The following ACTR3C variants were observed in gnomAD, a reference collection of about 807,000 sequenced individuals.
ACTR3C encodes the protein actin related protein 3C.
ACTR3C carries 18 observed loss-of-function variants against 26.3 expected under a neutral mutation model. That is an observed-to-expected ratio of 0.68 (90% CI 0.47 to 1.01). The LOEUF (loss-of-function observed/expected upper bound fraction) is 1.01, where lower values mean the gene tolerates loss of function less well. ACTR3C is among the 50% of genes least tolerant of loss of function. The pLI, the probability that ACTR3C is intolerant of heterozygous loss-of-function variation, is 0.00. For synonymous variants in ACTR3C, 55 were observed against 94.5 expected, an observed-to-expected ratio of 0.58 and a Z score of 2.42; for missense variants, 184 against 250.7, an observed-to-expected ratio of 0.73 and a Z score of 1.80.
At chr7:150,094,595 A>G in the ACTR3C span, among the ~76,000 whole-genome samples, 9 of 150,718 alleles carry the variant, frequency 6.0e-5, no homozygotes, top group East Asian at 1.2e-3. Context: ...AAGGTCTTCA[A>G]TGAACAGGCT....
the ACTR3C span, among the ~76,000 whole-genome samples, chr7:150,063,483 C>T: frequency 8.5e-4 from 129 of 151,376 alleles, 5 homozygotes; most frequent in African/African-American, 2.6e-3. Flanking sequence ...AGCTGGCTCT[C>T]TCCTCTCTGG....
the ACTR3C span, among the ~76,000 whole-genome samples, chr7:150,166,863 C>G: frequency 2.7e-5 from 4 of 150,382 alleles, 1 homozygote; most frequent in African/African-American, 5.0e-5. Context: ...TTCATGAAAT[C>G]AACTTTTTTA....
the ACTR3C span, among the ~76,000 whole-genome samples, chr7:150,042,438 T>G: frequency 7.0e-6 from 1 of 143,738 alleles, no homozygotes; most frequent in Non-Finnish European, 1.5e-5. Flanking sequence ...CCTCCTCCCC[T>G]GTGATGAGGG....
the ACTR3C span, among the ~76,000 whole-genome samples, chr7:150,030,827 C>G: frequency 6.6e-6 from 1 of 152,058 alleles, no homozygotes; most frequent in Non-Finnish European, 1.5e-5. Context: ...CAGGGCTGAC[C>G]GCTGCATGCC....
At chr7:150,253,285 T>C (rs114754607) in intron 6 of ACTR3C, among the ~76,000 whole-genome samples, 1,873 of 152,276 alleles carry the variant, frequency 0.012, 37 homozygotes, top group African/African-American at 0.042. Flanking sequence ...TACACCTCTT[T>C]ATCCTCTAGA....
chr7:150,033,107 G>C, the ACTR3C span, among the ~76,000 whole-genome samples: 1 of 152,156 alleles, frequency 6.6e-6, no homozygotes, highest in Non-Finnish European at 1.5e-5. Flanking sequence ...TTGTCAGCCT[G>C]AACGGGGAGT....
the ACTR3C span, among the ~76,000 whole-genome samples, chr7:150,042,510 G>C: frequency 0.027 from 3,077 of 114,840 alleles, 67 homozygotes; most frequent in African/African-American, 0.083. Flanking sequence ...GGATTGCCTC[G>C]CCCCCTGCGA....
At chr7:150,082,794 C>T in the ACTR3C span, among the ~76,000 whole-genome samples, 1 of 151,988 alleles carries the variant, frequency 6.6e-6, no homozygotes, top group Non-Finnish European at 1.5e-5. Flanking sequence ...CTTATTTCAT[C>T]TTATCTCCTC....
chr7:150,158,663 G>T, the ACTR3C span, among the ~76,000 whole-genome samples: 4 of 152,254 alleles, frequency 2.6e-5, no homozygotes, highest in Non-Finnish European at 4.4e-5. Flanking sequence ...TTGAGGACGG[G>T]TGATCTTGGT....
chr7:150,002,338 T>C, the ACTR3C span: 1 of 150,814 alleles, frequency 6.6e-6, no homozygotes, highest in South Asian at 2.1e-4. Context: ...CCAGATAACA[T>C]GAGCAGAAAC....
chr7:150,184,668 C>A, the ACTR3C span, among the ~76,000 whole-genome samples: 1 of 150,538 alleles, frequency 6.6e-6, no homozygotes, highest in Non-Finnish European at 1.5e-5. Flanking sequence ...ACTTGAAAAG[C>A]CAGCACTGAA....
At chr7:150,259,301 AAG>A (rs1288354959) in intron 6 of ACTR3C, among the ~76,000 whole-genome samples, 3 of 151,990 alleles carry the variant, frequency 2.0e-5, no homozygotes, top group African/African-American at 4.8e-5. Flanking sequence ...AAAAGAAAGA[AAG>A]AAAGAAAAAG....
the ACTR3C span, among the ~76,000 whole-genome samples, chr7:150,066,158 A>G: frequency 6.6e-6 from 1 of 152,200 alleles, no homozygotes; most frequent in East Asian, 1.9e-4. Context: ...ACATACACAC[A>G]CACAAAGGAA....
At chr7:150,088,913 T>A in the ACTR3C span, among the ~76,000 whole-genome samples, 2 of 152,204 alleles carry the variant, frequency 1.3e-5, no homozygotes, top group Non-Finnish European at 2.9e-5. Flanking sequence ...GGCAATTTTT[T>A]AAGATTCACC....
the ACTR3C span, among the ~76,000 whole-genome samples, chr7:150,036,362 G>C: frequency 2.7e-5 from 4 of 147,704 alleles, no homozygotes. Context: ...TAGAGACGTA[G>C]GCTACGGGCC....
the ACTR3C span, among the ~76,000 whole-genome samples, chr7:149,987,183 T>G: frequency 8.8e-5 from 1 of 11,394 alleles, no homozygotes; most frequent in South Asian, 0.023. Context: ...GAGAATTATG[T>G]CCTACCAGAG....
chr7:149,919,560 A>T, the ACTR3C span, among the ~76,000 whole-genome samples: 6 of 151,658 alleles, frequency 4.0e-5, no homozygotes, highest in Non-Finnish European at 2.9e-5. Context: ...TCTTTTTTGA[A>T]TTTTTTTCCA....
the ACTR3C span, among the ~76,000 whole-genome samples, chr7:149,903,261 A>G: frequency 6.7e-6 from 1 of 148,188 alleles, no homozygotes; most frequent in Non-Finnish European, 1.5e-5. Context: ...AGACCAAGAA[A>G]AGAAACACGA....
At chr7:150,152,545 T>C in the ACTR3C span, among the ~76,000 whole-genome samples, 1 of 152,214 alleles carries the variant, frequency 6.6e-6, no homozygotes, top group African/African-American at 2.4e-5. Flanking sequence ...GGTTTGCCAG[T>C]ATTTTATTGA....
Sources: allele counts gnomAD v4.1 joint callset (sites outside exome capture counted in the v4.1 genomes callset), GRCh38; gene constraint gnomAD v4.1.1; transcripts MANE v1.5; gene names NCBI Gene and HGNC (gene_info 2026-07-23, HGNC 2026-07-21).